Variants in ADIPOR2 observed in about 807,000 individuals in gnomAD.
ADIPOR2 encodes adiponectin receptor protein 2.
ADIPOR2 carries 18 observed loss-of-function variants against 40.9 expected under a neutral mutation model. The observed-to-expected ratio is 0.44, with a 90% CI of 0.30 to 0.65. The LOEUF is 0.65. ADIPOR2 is among the 30% of genes least tolerant of loss of function. ADIPOR2 has a pLI of 0.09. For missense variants in ADIPOR2, 283 were observed against 479.2 expected (o/e 0.59, Z 3.82); for synonymous variants, 165 against 166.4 (o/e 0.99, Z 0.06).
intron 1 of ADIPOR2, among the ~76,000 whole-genome samples, chr12:1,714,966 G>A (rs1194147229): frequency 6.6e-6 from 1 of 152,090 alleles, no homozygotes; most frequent in East Asian, 1.9e-4. Context: ...AAGGGGACAT[G>A]TACCTGGGTT....
intron 3 of ADIPOR2, among the ~76,000 whole-genome samples, chr12:1,773,180 A>G (rs1429558422): frequency 6.6e-6 from 1 of 152,210 alleles, no homozygotes; most frequent in Non-Finnish European, 1.5e-5. Context: ...AAACTAGGAT[A>G]TCCAGCTGGG....
At chr12:1,701,593 C>T (rs1408364961) in intron 1 of ADIPOR2, among the ~76,000 whole-genome samples, 1 of 152,032 alleles carries the variant, frequency 6.6e-6, no homozygotes, top group Non-Finnish European at 1.5e-5. Flanking sequence ...GATACGTTAC[C>T]ATTTTGACCT....
chr12:1,783,586 A>T (rs1862769444), intron 6 of ADIPOR2, among the ~76,000 whole-genome samples: 1 of 151,846 alleles, frequency 6.6e-6, no homozygotes, highest in African/African-American at 2.4e-5. Context: ...TTTAGTAGAA[A>T]TGGGGTTTCA....
chr12:1,695,931 A>G (rs919942049), intron 1 of ADIPOR2: 6 of 152,106 alleles, frequency 3.9e-5, no homozygotes, highest in Non-Finnish European at 7.4e-5. Flanking sequence ...TTGACGGGAC[A>G]TTCTGGCTAT....
At chr12:1,738,412 G>A (rs763903835) in intron 1 of ADIPOR2, among the ~76,000 whole-genome samples, 6 of 151,930 alleles carry the variant, frequency 3.9e-5, no homozygotes, top group Non-Finnish European at 5.9e-5. Context: ...TCTGTGTTTT[G>A]TTTGTAAATT....
chr12:1,782,512 AT>A (rs548032711), intron 6 of ADIPOR2, among the ~76,000 whole-genome samples: 19 of 151,762 alleles, frequency 1.3e-4, no homozygotes, highest in Middle Eastern at 3.4e-3. Flanking sequence ...TGGACTTCAC[AT>A]TTTTTTTTCC....
At chr12:1,721,249 A>T (rs1010159585) in intron 1 of ADIPOR2, among the ~76,000 whole-genome samples, 4 of 106,062 alleles carry the variant, frequency 3.8e-5, no homozygotes, top group African/African-American at 7.5e-5. Flanking sequence ...GTGGAGTCTC[A>T]CTGTCATCCA....
At chr12:1,750,667 A>G (rs979567019) in intron 1 of ADIPOR2, among the ~76,000 whole-genome samples, 10 of 152,250 alleles carry the variant, frequency 6.6e-5, no homozygotes, top group Admixed American at 2.0e-4. Flanking sequence ...CCTCAGTAAC[A>G]TTTTAAGATT....
chr12:1,728,962 T>TG (rs895003712), intron 1 of ADIPOR2, among the ~76,000 whole-genome samples: 22 of 146,180 alleles, frequency 1.5e-4, no homozygotes, highest in Non-Finnish European at 2.9e-4. Flanking sequence ...TGGACTGTTT[T>TG]TTTTTTTTTT....
intron 5 of ADIPOR2, 36 bp from the exon 6 acceptor site, chr12:1,780,853 T>C: frequency 6.6e-7 from 1 of 1,524,734 alleles, no homozygotes; most frequent in Non-Finnish European, 8.8e-7. Context: ...AGTTTTTAAA[T>C]TACTGCATTA....
chr12:1,712,609 T>C (rs2094679784), intron 1 of ADIPOR2, among the ~76,000 whole-genome samples: 1 of 152,072 alleles, frequency 6.6e-6, no homozygotes, highest in South Asian at 2.1e-4. Flanking sequence ...GGCTGGAGCT[T>C]GTACTAGGGC....
chr12:1,746,872 T>C (rs1218477813), intron 1 of ADIPOR2, among the ~76,000 whole-genome samples: 5 of 152,036 alleles, frequency 3.3e-5, no homozygotes, highest in African/African-American at 1.2e-4. Flanking sequence ...CTACTAAAAA[T>C]TAAAAAATTA....
intron 1 of ADIPOR2, among the ~76,000 whole-genome samples, chr12:1,699,934 CTTAA>C (rs1250786193): frequency 2.0e-5 from 3 of 152,094 alleles, no homozygotes; most frequent in African/African-American, 7.2e-5. Context: ...TATAGATTGG[CTTAA>C]TTAGACAAGT....
At chr12:1,735,311 G>C (rs997294204) in intron 1 of ADIPOR2, among the ~76,000 whole-genome samples, 1 of 152,018 alleles carries the variant, frequency 6.6e-6, no homozygotes, top group African/African-American at 2.4e-5. Context: ...GGTCCTTCAC[G>C]TCCCTTGTAA....
At chr12:1,778,122 T>A in intron 4 of ADIPOR2, 97 bp downstream of exon 4, 1 of 1,351,516 alleles carries the variant, frequency 7.4e-7, no homozygotes, top group Non-Finnish European at 9.8e-7. Context: ...GAAATGTATT[T>A]GGATTTGCCA....
At chr12:1,773,901 G>T (rs185783884) in intron 3 of ADIPOR2, among the ~76,000 whole-genome samples, 3 of 152,282 alleles carry the variant, frequency 2.0e-5, no homozygotes, top group African/African-American at 4.8e-5. Flanking sequence ...TTGGACCAGG[G>T]TATGAAAAGA....
intron 1 of ADIPOR2, among the ~76,000 whole-genome samples, chr12:1,704,602 C>A (rs981322848): frequency 6.6e-6 from 1 of 152,132 alleles, no homozygotes; most frequent in Non-Finnish European, 1.5e-5. Flanking sequence ...ATTTGGTCAT[C>A]CAGCTATTAT....
chr12:1,732,442 G>A (rs1458089898), intron 1 of ADIPOR2, among the ~76,000 whole-genome samples: 1 of 151,998 alleles, frequency 6.6e-6, no homozygotes, highest in Non-Finnish European at 1.5e-5. Flanking sequence ...CTTTCCATTG[G>A]CAATATACAC....
chr12:1,771,392 T>C (rs1332408486), intron 2 of ADIPOR2, among the ~76,000 whole-genome samples: 3 of 128,446 alleles, frequency 2.3e-5, no homozygotes, highest in Admixed American at 7.7e-5. Context: ...TGTCTCAAAC[T>C]AAAAAAAAAA....
Sources: gnomAD v4.1 joint callset for allele counts (sites outside exome capture counted in the v4.1 genomes callset) on GRCh38, gnomAD v4.1.1 for gene constraint, MANE v1.5 for transcripts, NCBI Gene and HGNC (gene_info 2026-07-23, HGNC 2026-07-21) for gene names.